The following POU6F2 variants were observed in gnomAD, a reference collection of about 807,000 sequenced individuals.
POU6F2 encodes the protein POU class 6 homeobox 2, also known as POU domain, class 6, transcription factor 2.
POU6F2 carries 31 observed loss-of-function variants against 71.3 expected under a neutral mutation model. That is an observed-to-expected ratio of 0.43 (90% CI 0.33 to 0.59). The LOEUF (loss-of-function observed/expected upper bound fraction) is 0.59, where lower values mean the gene tolerates loss of function less well. POU6F2 is among the 20% of genes least tolerant of loss of function. The pLI is 0.04. For missense variants in POU6F2, 783 were observed against 856.8 expected, an observed-to-expected ratio of 0.91 and a Z score of 1.07; for synonymous variants, 347 against 355.7, an observed-to-expected ratio of 0.98 and a Z score of 0.27.
intron 2 of POU6F2, among the ~76,000 whole-genome samples, chr7:39,145,831 C>T (rs1792610447): frequency 1.3e-5 from 2 of 152,182 alleles, no homozygotes; most frequent in African/African-American, 4.8e-5. Context: ...ATCCTCTATT[C>T]ATTTTTACTT....
chr7:39,260,876 ACT>A (rs1784125234), intron 4 of POU6F2, among the ~76,000 whole-genome samples: 1 of 151,042 alleles, frequency 6.6e-6, no homozygotes, highest in Non-Finnish European at 1.5e-5. Context: ...CATACCACAG[ACT>A]CCACACACCA....
At chr7:39,383,390 C>G (rs1786870018) in intron 5 of POU6F2, among the ~76,000 whole-genome samples, 1 of 152,132 alleles carries the variant, frequency 6.6e-6, no homozygotes, top group Non-Finnish European at 1.5e-5. Context: ...GAACCTCAGT[C>G]TGAATCACCA....
chr7:39,451,569 G>C lies in POU6F2; in HGVS notation c.1357G>C (p.Ala453Pro). The change falls in exon 8 of 10, where the codon GCC becomes CCC. Residue 453 changes from alanine (A) to proline (P), a missense_variant. Coordinates refer to ENST00000518318, the MANE Select transcript of POU6F2 (RefSeq NM_001370959.1). ...QPSQTSVGQA[A>P]SQGNLLHLAH... Reference sequence around the variant, plus strand: ...CTCCCAGACGTCAGTGGGTCAAGCAGCCTCCCAAGGCAACCTTCTGCACCT... The same window carrying C: ...CTCCCAGACGTCAGTGGGTCAAGCACCCTCCCAAGGCAACCTTCTGCACCT... 1 of 1,613,748 alleles carries C rather than the reference G, an allele frequency of 6.2e-7. No individual in the cohort carries two copies.
intron 4 of POU6F2, among the ~76,000 whole-genome samples, chr7:39,307,742 C>T (rs1042030202): frequency 2.0e-5 from 3 of 152,070 alleles, no homozygotes; most frequent in African/African-American, 7.2e-5. Context: ...TTTTGGGAGG[C>T]CAAGGTAGGC....
chr7:38,994,560 C>A (rs989590747), intron 1 of POU6F2, among the ~76,000 whole-genome samples: 2 of 152,092 alleles, frequency 1.3e-5, no homozygotes, highest in African/African-American at 4.8e-5. Context: ...CCTCACCATG[C>A]CCGTGACAGG....
intron 2 of POU6F2, among the ~76,000 whole-genome samples, chr7:39,099,312 G>A (rs547783114): frequency 1.3e-5 from 2 of 152,352 alleles, no homozygotes; most frequent in South Asian, 4.1e-4. Flanking sequence ...CCCTGGTGGT[G>A]TGGTCAGATA....
intron 2 of POU6F2, among the ~76,000 whole-genome samples, chr7:39,192,447 A>G (rs926820964): frequency 7.9e-5 from 12 of 152,224 alleles, no homozygotes; most frequent in Admixed American, 5.9e-4. Flanking sequence ...TCTTATCTTC[A>G]TGGACCCTCA....
intron 5 of POU6F2, among the ~76,000 whole-genome samples, chr7:39,394,835 A>T (rs769025351): frequency 3.3e-5 from 5 of 152,032 alleles, no homozygotes; most frequent in African/African-American, 7.3e-5. Context: ...CTCACTTAGC[A>T]TACCCCTACA....
At chr7:39,370,330 AT>A (rs1397073740) in intron 5 of POU6F2, among the ~76,000 whole-genome samples, 1 of 152,214 alleles carries the variant, frequency 6.6e-6, no homozygotes, top group Non-Finnish European at 1.5e-5. Flanking sequence ...ATAAGAGAAC[AT>A]AGTAAAGGAT....
At chr7:38,998,858 G>T (rs777014168) in intron 1 of POU6F2, among the ~76,000 whole-genome samples, 1 of 142,512 alleles carries the variant, frequency 7.0e-6, no homozygotes, top group Non-Finnish European at 1.5e-5. Flanking sequence ...TAGAGACCAG[G>T]TTTTACCATG....
intron 7 of POU6F2, among the ~76,000 whole-genome samples, chr7:39,439,400 C>T (rs912604451): frequency 1.3e-5 from 2 of 152,138 alleles, no homozygotes; most frequent in South Asian, 2.1e-4. Context: ...GTTCTGTCAT[C>T]GTGCTGCTAT....
At chr7:39,218,050 CATAAT>C (rs1404495514) in intron 4 of POU6F2, among the ~76,000 whole-genome samples, 2 of 152,144 alleles carry the variant, frequency 1.3e-5, no homozygotes, top group African/African-American at 4.8e-5. Flanking sequence ...CCAGTTTGCA[CATAAT>C]AAGGCTGTAA....
chr7:39,129,624 T>G (rs1007835811), intron 2 of POU6F2, among the ~76,000 whole-genome samples: 16 of 149,346 alleles, frequency 1.1e-4, no homozygotes, highest in South Asian at 4.3e-4. Flanking sequence ...ACAATAGATA[T>G]ATAGATAGAT....
At chr7:39,364,805 A>G (rs1320630947) in intron 5 of POU6F2, among the ~76,000 whole-genome samples, 3 of 152,206 alleles carry the variant, frequency 2.0e-5, no homozygotes, top group Non-Finnish European at 4.4e-5. Flanking sequence ...GCTGGATCAA[A>G]TGGTAGTTCT....
intron 1 of POU6F2, among the ~76,000 whole-genome samples, chr7:39,055,640 T>G (rs890652235): frequency 2.0e-5 from 3 of 151,498 alleles, no homozygotes; most frequent in African/African-American, 7.3e-5. Context: ...TTTTGTCTAG[T>G]TTTTTTTCAT....
chr7:39,207,339 C>T, intron 3 of POU6F2, 53 bp from the exon 4 acceptor site: 2 of 1,552,486 alleles, frequency 1.3e-6, no homozygotes, highest in South Asian at 1.2e-5. Context: ...GTTTTTAAAA[C>T]CCATGCCTTG....
At chr7:39,275,892 A>G (rs1486796764) in intron 4 of POU6F2, among the ~76,000 whole-genome samples, 1 of 152,052 alleles carries the variant, frequency 6.6e-6, no homozygotes, top group South Asian at 2.1e-4. Flanking sequence ...ACCTTATACA[A>G]AAATTAATTC....
chr7:39,414,766 T>C (rs1787637916), intron 6 of POU6F2, among the ~76,000 whole-genome samples: 1 of 140,094 alleles, frequency 7.1e-6, no homozygotes, highest in Middle Eastern at 3.7e-3. Context: ...TAGGGTTAAC[T>C]TAAAGAACTG....
intron 5 of POU6F2, among the ~76,000 whole-genome samples, chr7:39,340,239 G>A (rs574301699): frequency 6.6e-6 from 1 of 152,320 alleles, no homozygotes; most frequent in Non-Finnish European, 1.5e-5. Flanking sequence ...GCCCTCCAAA[G>A]GATAAATGTT....
Sources: gnomAD v4.1 joint callset for allele counts (sites outside exome capture counted in the v4.1 genomes callset) on GRCh38, gnomAD v4.1.1 for gene constraint, MANE v1.5 for transcripts, NCBI Gene and HGNC (gene_info 2026-07-23, HGNC 2026-07-21) for gene names.